The following SEC14L1 variants were observed in gnomAD, a reference collection of about 807,000 sequenced individuals.
The protein encoded by SEC14L1 is SEC14-like protein 1.
In SEC14L1, 48 loss-of-function variants were observed where a neutral mutation model predicts 85.3. That is an observed-to-expected ratio of 0.56 (90% CI 0.45 to 0.72). The LOEUF is 0.72. Ranked by LOEUF, SEC14L1 falls within the 30% of genes least tolerant of loss-of-function variation. The pLI is 0.00. For synonymous variants in SEC14L1, 391 were observed against 355.5 expected (o/e 1.10, Z -1.12); for missense variants, 682 against 921.4 (o/e 0.74, Z 3.36).
At chr17:77,201,990 T>C (rs1195269044) in intron 9 of SEC14L1, among the ~76,000 whole-genome samples, 2 of 151,838 alleles carry the variant, frequency 1.3e-5, no homozygotes, top group Non-Finnish European at 1.5e-5. Flanking sequence ...CTTGGTTCCT[T>C]TTCAGGAGCA....
At chr17:77,118,243 T>TC (rs1467017479) in intron 3 of SEC14L1, among the ~76,000 whole-genome samples, 1 of 152,226 alleles carries the variant, frequency 6.6e-6, no homozygotes, top group Non-Finnish European at 1.5e-5. Context: ...ACCTAGGCGG[T>TC]CTTTCAAGGG....
intron 9 of SEC14L1, among the ~76,000 whole-genome samples, chr17:77,201,163 TGAA>T (rs1017206329): frequency 3.9e-5 from 6 of 152,194 alleles, no homozygotes; most frequent in African/African-American, 9.6e-5. Flanking sequence ...GCACCTGAAA[TGAA>T]GAGTGGTTTA....
Position 77,213,891 on chromosome 17 carries a change from G to A in SEC14L1, c.2043-27G>A, listed in dbSNP as rs377687154. ...GGGTGGTTGGCAGGGTGGTCCTCAC[G>A]CCTCGCCCCTCCCTGTGCCATTACA... On this transcript the variant is annotated intron_variant, in intron 16 of 16. Coordinates refer to ENST00000436233, the MANE Select transcript of SEC14L1 (RefSeq NM_001143998.2). The surrounding 1 kb of genome is among the most constrained non-coding windows in gnomAD (Gnocchi z 7.1). 71 of 1,610,036 alleles carry A rather than the reference G, an allele frequency of 4.4e-5. No individual in the cohort carries two copies. The highest frequency in any genetic ancestry group is 1.5e-4 in the Admixed American group (9 of 59,862).
At chr17:77,190,992 C>T (rs1975503736) in intron 4 of SEC14L1, 40 bp downstream of exon 4, 1 of 1,605,964 alleles carries the variant, frequency 6.2e-7, no homozygotes, top group Non-Finnish European at 8.5e-7. Flanking sequence ...AAAGGGCGTC[C>T]TGGTGGGAGA....
intron 3 of SEC14L1, among the ~76,000 whole-genome samples, chr17:77,146,102 G>T (rs1973290669): frequency 6.6e-6 from 1 of 152,174 alleles, no homozygotes. Context: ...TGGGTTTGAG[G>T]ATATTGGCTA....
rs1976906105 is a variant in SEC14L1, at chr17:77,213,904, C to T, written c.2043-14C>T. ...GGTGGTCCTCACGCCTCGCCCCTCC[C>T]TGTGCCATTACAGAGGTTCCATGAC... On this transcript the variant is annotated splice_polypyrimidine_tract_variant and intron_variant, in intron 16 of 16. Coordinates refer to ENST00000436233, the MANE Select transcript of SEC14L1 (RefSeq NM_001143998.2). This position sits in a 1 kb window ranked among gnomAD's most constrained non-coding sequence, Gnocchi z 7.1. The T allele has an allele frequency of 6.2e-7, 1 of 1,612,124 alleles. No homozygotes were observed. Among genetic ancestry groups the T allele is most frequent in the Non-Finnish European group, 8.5e-7 (1 of 1,179,140 alleles).
chr17:77,157,555 C>A (rs1342401279), intron 3 of SEC14L1, among the ~76,000 whole-genome samples: 1 of 149,312 alleles, frequency 6.7e-6, no homozygotes, highest in Non-Finnish European at 1.5e-5. Context: ...TGAGATGGGG[C>A]CTCGCTGCGT....
chr17:77,137,177 G>A (rs530447975), upstream of SEC14L1, among the ~76,000 whole-genome samples: 3 of 152,258 alleles, frequency 2.0e-5, no homozygotes, highest in African/African-American at 7.2e-5. Context: ...CCAAAGTGCT[G>A]GGATTACAAG....
chr17:77,140,493 G>A (rs1414216304), upstream of SEC14L1, among the ~76,000 whole-genome samples: 2 of 152,248 alleles, frequency 1.3e-5, no homozygotes, highest in Admixed American at 6.5e-5. Context: ...AAGCACGGGG[G>A]CAGCCGCCAG....
At chr17:77,095,837 T>C (rs1971628566) in intron 3 of SEC14L1, among the ~76,000 whole-genome samples, 1 of 151,734 alleles carries the variant, frequency 6.6e-6, no homozygotes. Context: ...AATTAACTAA[T>C]TACTGAAATA....
intron 3 of SEC14L1, among the ~76,000 whole-genome samples, chr17:77,165,965 G>A (rs117763175): frequency 6.6e-6 from 1 of 152,106 alleles, no homozygotes; most frequent in African/African-American, 2.4e-5. Context: ...CATTCAGAAG[G>A]TCCCCCTCCT....
At chr17:77,136,794 G>T (rs1188940926), upstream of SEC14L1, among the ~76,000 whole-genome samples, 1 of 152,138 alleles carries the variant, frequency 6.6e-6, no homozygotes, top group African/African-American at 2.4e-5. Flanking sequence ...AACACAGAAG[G>T]GGCCCGTGTT....
chr17:77,149,605 G>C (rs1973465719), intron 3 of SEC14L1, among the ~76,000 whole-genome samples: 1 of 152,328 alleles, frequency 6.6e-6, no homozygotes, highest in East Asian at 1.9e-4. Context: ...AGGCTGAAGA[G>C]AGAGGATCCT....
Position 77,216,227 on chromosome 17 carries a change from C to T in SEC14L1, c.*2204C>T, listed in dbSNP as rs113878867. 8.9e-5 allele frequency: 83 copies of T among 936,292 alleles called. 8 individuals carry two copies. The highest frequency in any genetic ancestry group is 6.0e-4 in the South Asian group (18 of 30,250). The allele number at this position is 936,292 out of a possible 1,614,324, so 58.0% of individuals were successfully genotyped here. On this transcript the variant is annotated 3_prime_UTR_variant, in exon 17 of 17. Coordinates refer to ENST00000436233, the MANE Select transcript of SEC14L1 (RefSeq NM_001143998.2). Reference sequence around the variant, plus strand: ...GTAGGTAGGGCTAGTAGGTAGGGTTCGTAGGTAGGGTTCGTAGGTAGGGTT... The same window carrying T: ...GTAGGTAGGGCTAGTAGGTAGGGTTTGTAGGTAGGGTTCGTAGGTAGGGTT...
Position 77,213,533 on chromosome 17 carries a change from G to C in SEC14L1, c.2042+41G>C, listed in dbSNP as rs771681043. 3 of 1,599,036 alleles carry C rather than the reference G, an allele frequency of 1.9e-6. No individual in the cohort carries two copies. The highest frequency in any genetic ancestry group is 2.2e-5 in the South Asian group (2 of 90,806). On this transcript the variant is annotated intron_variant, in intron 16 of 16. Coordinates refer to ENST00000436233, the MANE Select transcript of SEC14L1 (RefSeq NM_001143998.2). This position sits in a 1 kb window ranked among gnomAD's most constrained non-coding sequence, Gnocchi z 7.1. ...CCACAGCAGGTGCTGCGGACAGCTG[G>C]GCATGGTTGGAGGGAGCCTGCAGTC...
At chr17:77,114,023 T>A (rs1404480447) in intron 3 of SEC14L1, among the ~76,000 whole-genome samples, 1 of 152,152 alleles carries the variant, frequency 6.6e-6, no homozygotes, top group African/African-American at 2.4e-5. Context: ...AGCCTTCTGG[T>A]CCCAGGAGAG....
intron 3 of SEC14L1, among the ~76,000 whole-genome samples, chr17:77,121,096 G>A (rs1464005559): frequency 6.6e-6 from 1 of 152,150 alleles, no homozygotes. Context: ...GTTGTCCCTG[G>A]AAGCCTGCCT....
intron 3 of SEC14L1, among the ~76,000 whole-genome samples, chr17:77,176,796 A>C (rs1425780888): frequency 6.6e-6 from 1 of 152,092 alleles, no homozygotes. Flanking sequence ...CATGTTGTTC[A>C]GAGTGTTCTT....
chr17:77,155,946 C>G (rs572695769), intron 3 of SEC14L1, among the ~76,000 whole-genome samples: 2 of 152,284 alleles, frequency 1.3e-5, no homozygotes, highest in Non-Finnish European at 2.9e-5. Context: ...TTGTCATTGG[C>G]CTTCTGCCTG....
Sources: allele counts gnomAD v4.1 joint callset (sites outside exome capture counted in the v4.1 genomes callset), GRCh38; gene constraint gnomAD v4.1.1; non-coding constraint Gnocchi (gnomAD v3.1); transcripts MANE v1.5; gene names NCBI Gene and HGNC (gene_info 2026-07-23, HGNC 2026-07-21).